Variants in PTPRD observed in about 807,000 individuals in gnomAD.
The protein encoded by PTPRD is protein tyrosine phosphatase receptor type D.
PTPRD carries 34 observed loss-of-function variants against 214.5 expected under a neutral mutation model. The observed-to-expected ratio is 0.16, with a 90% CI of 0.12 to 0.21. PTPRD has a LOEUF of 0.21. Among genes scored for constraint, PTPRD ranks in the 10% least tolerant of loss-of-function variants. PTPRD has a pLI of 1.00. For synonymous variants in PTPRD, 1,128 were observed against 845.7 expected (o/e 1.33, Z -5.79); for missense variants, 2,545 against 2,398.7 (o/e 1.06, Z -1.27).
intron 7 of PTPRD, among the ~76,000 whole-genome samples, chr9:9,698,880 G>A (rs1327911252): frequency 6.6e-6 from 1 of 152,114 alleles, no homozygotes; most frequent in Non-Finnish European, 1.5e-5. Flanking sequence ...TCCTAGCATG[G>A]AGTTTTTACT....
chr9:8,409,695 T>G (rs1449301005), intron 35 of PTPRD, among the ~76,000 whole-genome samples: 3 of 152,176 alleles, frequency 2.0e-5, no homozygotes, highest in Non-Finnish European at 4.4e-5. Flanking sequence ...ACAATACTAG[T>G]TGCTCTGTGT....
intron 10 of PTPRD, among the ~76,000 whole-genome samples, chr9:9,178,330 CTTTT>C (rs754391620): frequency 6.6e-6 from 1 of 151,836 alleles, no homozygotes; most frequent in Non-Finnish European, 1.5e-5. Flanking sequence ...TCCTTTCTTT[CTTTT>C]CTTTTCTCTC....
At chr9:9,147,236 A>C (rs1297626815) in intron 10 of PTPRD, among the ~76,000 whole-genome samples, 1 of 151,230 alleles carries the variant, frequency 6.6e-6, no homozygotes, top group African/African-American at 2.4e-5. Context: ...AATCCAATCC[A>C]TTAATTGGCA....
chr9:9,748,172 T>C (rs2761706), intron 6 of PTPRD, among the ~76,000 whole-genome samples: 1 of 151,984 alleles, frequency 6.6e-6, no homozygotes, highest in Admixed American at 6.6e-5. Flanking sequence ...TTTTCTGAAC[T>C]TGGTGCATAT....
chr9:9,187,233 A>G (rs57759209), intron 9 of PTPRD, among the ~76,000 whole-genome samples: 1 of 152,004 alleles, frequency 6.6e-6, no homozygotes, highest in Non-Finnish European at 1.5e-5. Context: ...GTGACTTTTT[A>G]AAGTAGCTTA....
At chr9:9,202,613 T>TCAACA (rs2099942540) in intron 9 of PTPRD, among the ~76,000 whole-genome samples, 1 of 152,172 alleles carries the variant, frequency 6.6e-6, no homozygotes, top group Admixed American at 6.5e-5. Context: ...GGTGTAGTGG[T>TCAACA]ACATTATTAG....
intron 3 of PTPRD, among the ~76,000 whole-genome samples, chr9:10,226,736 C>G (rs558377917): frequency 6.6e-6 from 1 of 152,052 alleles, no homozygotes; most frequent in East Asian, 1.9e-4. Context: ...GTCTGTTTGT[C>G]AGCATGAGAT....
At chr9:8,979,638 G>C (rs867450887) in intron 11 of PTPRD, among the ~76,000 whole-genome samples, 1 of 152,156 alleles carries the variant, frequency 6.6e-6, no homozygotes, top group African/African-American at 2.4e-5. Context: ...ATGAAAAGTT[G>C]CTCAACATCA....
chr9:8,832,950 T>A (rs763300869), intron 11 of PTPRD, among the ~76,000 whole-genome samples: 7 of 152,108 alleles, frequency 4.6e-5, no homozygotes, highest in Non-Finnish European at 1.0e-4. Context: ...TAATATCTAC[T>A]CTTCATTACC....
At chr9:10,420,650 T>G (rs2154515675) in intron 2 of PTPRD, among the ~76,000 whole-genome samples, 1 of 151,970 alleles carries the variant, frequency 6.6e-6, no homozygotes, top group African/African-American at 2.4e-5. Context: ...TATACCGAAT[T>G]CTCAACTGAA....
intron 2 of PTPRD, among the ~76,000 whole-genome samples, chr9:10,527,887 A>C (rs909548297): frequency 3.9e-5 from 6 of 152,182 alleles, no homozygotes; most frequent in African/African-American, 1.4e-4. Context: ...AAAGATAATT[A>C]TGTGGCTTTC....
intron 11 of PTPRD, among the ~76,000 whole-genome samples, chr9:8,872,787 G>C (rs563726422): frequency 2.0e-5 from 3 of 152,182 alleles, no homozygotes; most frequent in Admixed American, 2.0e-4. Flanking sequence ...TTCAGTACAG[G>C]AGGCGGCATT....
At chr9:9,329,465 T>C (rs561911480) in intron 9 of PTPRD, among the ~76,000 whole-genome samples, 19 of 152,294 alleles carry the variant, frequency 1.2e-4, no homozygotes, top group South Asian at 4.1e-4. Flanking sequence ...AAAAAGCATT[T>C]TGAATGATGA....
chr9:9,451,248 A>G (rs1336962269), intron 8 of PTPRD, among the ~76,000 whole-genome samples: 7 of 151,780 alleles, frequency 4.6e-5, no homozygotes, highest in Non-Finnish European at 7.4e-5. Flanking sequence ...CTGAGAACCT[A>G]AGGAACAGCA....
At chr9:9,165,888 T>C (rs1457611207) in intron 10 of PTPRD, among the ~76,000 whole-genome samples, 1 of 152,180 alleles carries the variant, frequency 6.6e-6, no homozygotes. Context: ...TGAGTACAAA[T>C]TATAAAATGT....
intron 3 of PTPRD, among the ~76,000 whole-genome samples, chr9:10,298,881 G>A (rs1485838115): frequency 2.0e-5 from 3 of 151,886 alleles, no homozygotes; most frequent in Non-Finnish European, 4.4e-5. Flanking sequence ...TTTCTTGAAG[G>A]CACTGAGATA....
intron 36 of PTPRD, among the ~76,000 whole-genome samples, chr9:8,395,885 G>A (rs952046758): frequency 3.9e-5 from 6 of 152,026 alleles, no homozygotes; most frequent in Non-Finnish European, 7.4e-5. Flanking sequence ...ATGAGTTGGG[G>A]AATTACCAGC....
At chr9:10,076,772 A>G (rs1415021162) in intron 3 of PTPRD, among the ~76,000 whole-genome samples, 1 of 152,158 alleles carries the variant, frequency 6.6e-6, no homozygotes, top group African/African-American at 2.4e-5. Context: ...TGAGAAAATC[A>G]CGCTGACATG....
At chr9:9,228,001 C>A (rs1594061184) in intron 9 of PTPRD, among the ~76,000 whole-genome samples, 1 of 152,214 alleles carries the variant, frequency 6.6e-6, no homozygotes, top group East Asian at 1.9e-4. Context: ...TTTTTCCAAG[C>A]ATTTCTGTTT....
Sources: gnomAD v4.1 joint callset for allele counts (sites outside exome capture counted in the v4.1 genomes callset) on GRCh38, gnomAD v4.1.1 for gene constraint, MANE v1.5 for transcripts, NCBI Gene and HGNC (gene_info 2026-07-23, HGNC 2026-07-21) for gene names.